Variants in HTR7 observed in about 807,000 individuals in gnomAD.
HTR7 encodes 5-HT-7.
In HTR7, 16 loss-of-function variants were observed where a neutral mutation model predicts 34.0. The ratio of observed to expected loss-of-function variants is 0.47; its 90% CI spans 0.32 to 0.71. The LOEUF (loss-of-function observed/expected upper bound fraction) is 0.71, where lower values mean the gene tolerates loss of function less well. Ranked by LOEUF, HTR7 falls within the 30% of genes least tolerant of loss-of-function variation. The probability of loss-of-function intolerance (pLI) is 0.04; values close to 1 mark genes in which losing one functional copy is unlikely to be tolerated. For synonymous variants in HTR7, 265 were observed against 260.2 expected (o/e 1.02, Z -0.18); for missense variants, 504 against 625.5 (o/e 0.81, Z 2.07).
intron 1 of HTR7, among the ~76,000 whole-genome samples, chr10:90,795,220 G>A (rs1845520030): frequency 6.6e-6 from 1 of 152,024 alleles, no homozygotes. Flanking sequence ...TTAATTTTTT[G>A]AGAAACCCCC....
chr10:90,799,731 C>A (rs1442330645), intron 1 of HTR7, among the ~76,000 whole-genome samples: 1 of 152,146 alleles, frequency 6.6e-6, no homozygotes, highest in Non-Finnish European at 1.5e-5. Flanking sequence ...GGGTCCCCCA[C>A]CTTTCCATCA....
chr10:90,851,680 G>A (rs933250871), intron 1 of HTR7, among the ~76,000 whole-genome samples: 4 of 148,270 alleles, frequency 2.7e-5, no homozygotes, highest in African/African-American at 9.9e-5. Context: ...GAGAGGATTT[G>A]TCACTAGCAA....
intron 1 of HTR7, among the ~76,000 whole-genome samples, chr10:90,799,681 C>A (rs995938702): frequency 1.3e-5 from 2 of 152,080 alleles, no homozygotes; most frequent in African/African-American, 4.8e-5. Flanking sequence ...TATAATATTT[C>A]CAAACTTGCT....
intron 1 of HTR7, among the ~76,000 whole-genome samples, chr10:90,773,319 T>C (rs75889495): frequency 2.0e-5 from 3 of 151,500 alleles, no homozygotes; most frequent in African/African-American, 7.3e-5. Flanking sequence ...GGTGTCATTC[T>C]TTTTTTTTAT....
intron 1 of HTR7, among the ~76,000 whole-genome samples, chr10:90,758,096 C>T (rs1426953532): frequency 1.3e-5 from 2 of 151,854 alleles, no homozygotes; most frequent in African/African-American, 2.4e-5. Context: ...ACCTGTAATC[C>T]CAGTACTTTG....
At chr10:90,810,616 A>G (rs911392862) in intron 1 of HTR7, among the ~76,000 whole-genome samples, 5 of 152,132 alleles carry the variant, frequency 3.3e-5, no homozygotes, top group African/African-American at 1.2e-4. Context: ...TGCTGAACCC[A>G]TATACTCTCC....
chr10:90,842,033 A>C (rs1846337222), intron 1 of HTR7, among the ~76,000 whole-genome samples: 1 of 152,016 alleles, frequency 6.6e-6, no homozygotes, highest in Non-Finnish European at 1.5e-5. Context: ...CAACAACAAC[A>C]ACAAAAAAGA....
chr10:90,857,154 A>G lies in HTR7; in HGVS notation c.518T>C (p.Leu173Pro). ...TTACCTGTCAATGCTGATCACGCACAGGGTCATGATCGAGGCCGTGCAGCA... is the reference window on the plus strand; with the variant it reads ...TTACCTGTCAATGCTGATCACGCACGGGGTCATGATCGAGGCCGTGCAGCA... ...VMCCTASIMT[L>P]CVISIDRYLG... is the part of the protein sequence containing the mutation. Residue 173 changes from leucine to proline, a missense_variant, in exon 1 of 4, where the codon CTG becomes CCG. By Grantham distance (98) the Leu-to-Pro change is moderately conservative. This residue lies in a region of HTR7 where 154 missense variants were observed against 248.8 expected (regional missense o/e 0.62). Coordinates refer to ENST00000336152, the MANE Select transcript of HTR7 (RefSeq NM_019859.4). This position sits in a 1 kb window ranked among gnomAD's most constrained non-coding sequence, Gnocchi z 6.5. The G allele has an allele frequency of 6.2e-7, 1 of 1,606,086 alleles. No homozygotes were observed. Among genetic ancestry groups the G allele is most frequent in the Non-Finnish European group, 8.5e-7 (1 of 1,175,678 alleles).
chr10:90,753,257 C>A (rs990556088), intron 1 of HTR7, among the ~76,000 whole-genome samples: 3 of 151,408 alleles, frequency 2.0e-5, no homozygotes, highest in Non-Finnish European at 4.4e-5. Flanking sequence ...CAAAGCCAGG[C>A]GCAGTGGCTC....
intron 1 of HTR7, among the ~76,000 whole-genome samples, chr10:90,788,787 A>T (rs1845420719): frequency 6.6e-6 from 1 of 152,226 alleles, no homozygotes; most frequent in Admixed American, 6.5e-5. Flanking sequence ...TTCCCCTTTG[A>T]CAAAAAGCAA....
chr10:90,765,035 T>C (rs1844999143), intron 1 of HTR7, among the ~76,000 whole-genome samples: 3 of 152,178 alleles, frequency 2.0e-5, no homozygotes, highest in Admixed American at 2.0e-4. Flanking sequence ...CAAGGTAATG[T>C]TAGCCTCATA....
Position 90,857,464 on chromosome 10 carries a change from A to C in HTR7, c.208T>G (p.Cys70Gly). 6.2e-7 allele frequency: 1 copy of C among 1,613,828 alleles called. No individual in the cohort carries two copies. Among genetic ancestry groups the C allele is most frequent in the South Asian group, 1.1e-5 (1 of 91,086 alleles). Residue 70 changes from cysteine (C) to glycine (G), a missense_variant, in exon 1 of 4, where the codon TGT becomes GGT. Cys to Gly is a radical substitution (Grantham distance 159). Coordinates refer to ENST00000336152, the MANE Select transcript of HTR7 (RefSeq NM_019859.4). The surrounding 1 kb of genome is among the most constrained non-coding windows in gnomAD (Gnocchi z 6.5). ...CTGCCGTAGTTGATCTGTTCCCCAC[A>C]GCCGGAGGCATTGTCCGGGGGCGCG... ...WDAPPDNASG[C>G]GEQINYGRVE...
chr10:90,856,944 A>G (rs1267285300), intron 1 of HTR7, among the ~76,000 whole-genome samples, 189 bp downstream of exon 1: 2 of 152,162 alleles, frequency 1.3e-5, no homozygotes, highest in East Asian at 1.9e-4. Context: ...TCTTTTAAAG[A>G]TGTACATAGG....
At chr10:90,759,649 G>A (rs1468519949) in intron 1 of HTR7, among the ~76,000 whole-genome samples, 10 of 113,638 alleles carry the variant, frequency 8.8e-5, no homozygotes, top group African/African-American at 2.9e-4. Context: ...GCGACAGAGC[G>A]AGACTCTGTC....
chr10:90,796,833 C>T (rs1445340855), intron 1 of HTR7, among the ~76,000 whole-genome samples: 1 of 152,004 alleles, frequency 6.6e-6, no homozygotes, highest in South Asian at 2.1e-4. Flanking sequence ...ACAGTGAAAC[C>T]CCATCTCTAC....
At chr10:90,773,141 A>G (rs1845144845) in intron 1 of HTR7, among the ~76,000 whole-genome samples, 1 of 152,240 alleles carries the variant, frequency 6.6e-6, no homozygotes, top group Non-Finnish European at 1.5e-5. Context: ...GTAACTCAGT[A>G]TAGAAATACC....
intron 1 of HTR7, among the ~76,000 whole-genome samples, chr10:90,793,123 A>G (rs1180004492): frequency 6.6e-6 from 1 of 152,202 alleles, no homozygotes; most frequent in East Asian, 1.9e-4. Flanking sequence ...CAACCCATGG[A>G]ATGAGAGAAA....
chr10:90,830,277 G>C (rs1846146249), intron 1 of HTR7, among the ~76,000 whole-genome samples: 1 of 152,142 alleles, frequency 6.6e-6, no homozygotes, highest in African/African-American at 2.4e-5. Context: ...TGAATACTCT[G>C]CAATTATTAA....
chr10:90,813,540 T>G (rs1285609604), intron 1 of HTR7, among the ~76,000 whole-genome samples: 2 of 149,294 alleles, frequency 1.3e-5, no homozygotes, highest in East Asian at 2.0e-4. Flanking sequence ...AAAAAAGAAA[T>G]TATTTAGATA....
Sources: gnomAD v4.1 joint callset for allele counts (sites outside exome capture counted in the v4.1 genomes callset) on GRCh38, gnomAD v4.1.1 for gene constraint, gnomAD v4.1.1 regional missense constraint, Gnocchi (gnomAD v3.1) non-coding constraint, MANE v1.5 for transcripts, NCBI Gene and HGNC (gene_info 2026-07-23, HGNC 2026-07-21) for gene names.